Variants in SYT16 observed in about 807,000 individuals in gnomAD.
SYT16 encodes the protein synaptotagmin-16.
A neutral mutation model predicts 61.4 loss-of-function variants in SYT16; 42 were observed. The ratio of observed to expected loss-of-function variants is 0.68; its 90% CI spans 0.53 to 0.89. The LOEUF is 0.89. SYT16 is among the 40% of genes least tolerant of loss of function. The pLI, the probability that SYT16 is intolerant of heterozygous loss-of-function variation, is 0.00. For synonymous variants in SYT16, 314 were observed against 302.3 expected (o/e 1.04, Z -0.40); for missense variants, 804 against 807.3 (o/e 1.00, Z 0.05).
At chr14:62,026,894 C>T (rs530410341) in intron 3 of SYT16, among the ~76,000 whole-genome samples, 51 of 152,108 alleles carry the variant, frequency 3.4e-4, no homozygotes, top group Non-Finnish European at 6.5e-4. Context: ...GTACCTGAAG[C>T]TATTAGTTAT....
chr14:61,855,275 C>G (rs1445834686), intron 1 of SYT16, among the ~76,000 whole-genome samples: 1 of 152,172 alleles, frequency 6.6e-6, no homozygotes, highest in African/African-American at 2.4e-5. Context: ...ATTAATTAGA[C>G]TATAATTTTG....
chr14:61,958,856 C>A (rs1229623996), intron 1 of SYT16, among the ~76,000 whole-genome samples: 1 of 151,782 alleles, frequency 6.6e-6, no homozygotes, highest in Non-Finnish European at 1.5e-5. Flanking sequence ...ATATTGACGT[C>A]TTTTATTATA....
intron 1 of SYT16, among the ~76,000 whole-genome samples, chr14:61,889,110 G>A (rs1401122198): frequency 6.6e-6 from 1 of 152,188 alleles, no homozygotes; most frequent in African/African-American, 2.4e-5. Flanking sequence ...GATAGTTGCA[G>A]GGACCACTGC....
intron 3 of SYT16, among the ~76,000 whole-genome samples, chr14:62,037,319 G>C (rs2054550216): frequency 1.3e-5 from 2 of 152,108 alleles, no homozygotes; most frequent in South Asian, 4.1e-4. Flanking sequence ...ACTCTATCCT[G>C]TGTCTTAAAT....
At chr14:62,056,675 CTGGGCCTTGGAGGT>C (rs1434937568) in intron 3 of SYT16, among the ~76,000 whole-genome samples, 1 of 152,206 alleles carries the variant, frequency 6.6e-6, no homozygotes, top group East Asian at 1.9e-4. Flanking sequence ...CAGGGGAGAA[CTGGGCCTTGGAGGT>C]TAGGACTGGG....
intron 3 of SYT16, among the ~76,000 whole-genome samples, chr14:62,033,265 G>A (rs567984499): frequency 6.6e-6 from 1 of 151,930 alleles, no homozygotes; most frequent in South Asian, 2.1e-4. Context: ...GAAATCAACT[G>A]CATTTTTTTT....
intron 7 of SYT16, among the ~76,000 whole-genome samples, chr14:62,092,454 A>G (rs905679870): frequency 5.9e-5 from 9 of 152,108 alleles, no homozygotes; most frequent in Non-Finnish European, 2.9e-5. Flanking sequence ...ATTATTCACT[A>G]TAGCTAAAAT....
At chr14:61,896,173 C>T (rs2048319819) in intron 1 of SYT16, among the ~76,000 whole-genome samples, 1 of 151,790 alleles carries the variant, frequency 6.6e-6, no homozygotes. Flanking sequence ...CTTTGTGAGG[C>T]TCAGCTAAGG....
chr14:62,047,626 C>A (rs2055053846), intron 3 of SYT16, among the ~76,000 whole-genome samples: 1 of 151,256 alleles, frequency 6.6e-6, no homozygotes, highest in African/African-American at 2.5e-5. Context: ...ATAGATAGCT[C>A]TTATTATTTT....
intron 1 of SYT16, among the ~76,000 whole-genome samples, chr14:61,857,080 G>A (rs896328978): frequency 2.6e-5 from 4 of 152,178 alleles, no homozygotes; most frequent in Admixed American, 2.0e-4. Context: ...TGAGAGAGCA[G>A]AGAAGTGAGA....
chr14:61,907,253 A>G (rs568412355), intron 1 of SYT16, among the ~76,000 whole-genome samples: 1 of 152,356 alleles, frequency 6.6e-6, no homozygotes, highest in South Asian at 2.1e-4. Context: ...TATTTTCAGT[A>G]AAACATCTGC....
At chr14:61,820,817 G>T (rs946634710) in intron 1 of SYT16, among the ~76,000 whole-genome samples, 1 of 152,012 alleles carries the variant, frequency 6.6e-6, no homozygotes, top group African/African-American at 2.4e-5. Flanking sequence ...AAAATTTCTG[G>T]CTGTTCCATT....
In SYT16 at chr14:62,100,476, C is replaced by T. The variant is rs1278904109; in HGVS notation, c.1707C>T (p.Pro569=). 2.5e-6 allele frequency: 4 copies of T among 1,613,516 alleles called. No homozygotes were observed. Among genetic ancestry groups the T allele is most frequent in the Non-Finnish European group, 3.4e-6 (4 of 1,179,704 alleles). The change falls in exon 8 of 8, where the codon CCC becomes CCT. Residue 569 remains proline (P), a synonymous_variant. Coordinates refer to ENST00000683842, the MANE Select transcript of SYT16 (RefSeq NM_001367656.1). ...RCKTSIRRGQ[P]NPVYKETFVF... ...AGACGTCCATTCGGCGTGGTCAGCC[C>T]AATCCTGTCTATAAGGAGACCTTTG...
intron 1 of SYT16, among the ~76,000 whole-genome samples, chr14:61,906,783 G>GTCCATCCA (rs1479598472): frequency 9.5e-4 from 55 of 57,742 alleles, no homozygotes; most frequent in Middle Eastern, 6.7e-3. Flanking sequence ...CCATCCGTCC[G>GTCCATCCA]TCCGTCCATC....
chr14:61,917,743 C>G (rs189792835), intron 1 of SYT16, among the ~76,000 whole-genome samples: 283 of 152,150 alleles, frequency 1.9e-3, no homozygotes, highest in Non-Finnish European at 3.6e-3. Flanking sequence ...TAAATAAACA[C>G]AGCACTATAA....
chr14:62,014,084 T>C (rs915772603), intron 3 of SYT16, among the ~76,000 whole-genome samples: 2 of 152,180 alleles, frequency 1.3e-5, no homozygotes, highest in African/African-American at 4.8e-5. Context: ...TCATTCACCT[T>C]CCTTTGCCCG....
intron 7 of SYT16, among the ~76,000 whole-genome samples, chr14:62,092,173 AACAC>A (rs56324432): frequency 0.071 from 9,344 of 131,028 alleles, 267 homozygotes; most frequent in African/African-American, 0.1. Flanking sequence ...TGGCTACTAT[AACAC>A]ACACACACAC....
rs929040590 is a variant in SYT16, at chr14:62,112,203, A to T, written c.*11496A>T. On this transcript the variant is annotated 3_prime_UTR_variant, in exon 8 of 8. Coordinates refer to ENST00000683842, the MANE Select transcript of SYT16 (RefSeq NM_001367656.1). Reference sequence around the variant, plus strand: ...AGAAATGCCCTCTGAAAATGTTAGAAAATGTAAAACTTTACCTGTGACAAG... The same window carrying T: ...AGAAATGCCCTCTGAAAATGTTAGATAATGTAAAACTTTACCTGTGACAAG... The T allele has an allele frequency of 3.9e-5, 6 of 152,148 alleles. No homozygotes were observed. The highest frequency in any genetic ancestry group is 8.8e-5 in the Non-Finnish European group (6 of 67,970). The allele number at this position is 152,148 out of a possible 1,614,324, so 9.4% of individuals were successfully genotyped here.
chr14:61,951,446 G>C (rs920354381), intron 1 of SYT16, among the ~76,000 whole-genome samples: 1 of 152,182 alleles, frequency 6.6e-6, no homozygotes, highest in African/African-American at 2.4e-5. Flanking sequence ...TTCTGTTAAA[G>C]TTTTAGTCTC....
Sources: gnomAD v4.1 joint callset for allele counts (sites outside exome capture counted in the v4.1 genomes callset) on GRCh38, gnomAD v4.1.1 for gene constraint, MANE v1.5 for transcripts, NCBI Gene and HGNC (gene_info 2026-07-23, HGNC 2026-07-21) for gene names.